Variants in SRGAP2B observed in about 807,000 individuals in gnomAD.
SRGAP2B encodes the protein SLIT-ROBO Rho GTPase activating protein 2B.
SRGAP2B carries 9 observed loss-of-function variants against 22.2 expected under a neutral mutation model. That is an observed-to-expected ratio of 0.41 (90% CI 0.24 to 0.71). SRGAP2B has a LOEUF of 0.71. SRGAP2B is among the 30% of genes least tolerant of loss of function. The pLI is 0.35. For synonymous variants in SRGAP2B, 36 were observed against 87.4 expected (o/e 0.41, Z 3.28); for missense variants, 114 against 235.8 (o/e 0.48, Z 3.38).
chr1:145,013,892 G>C (rs1448083986), intron 2 of SRGAP2B, among the ~76,000 whole-genome samples: 1 of 149,832 alleles, frequency 6.7e-6, no homozygotes, highest in Non-Finnish European at 1.5e-5. Context: ...TCTAGGCCAT[G>C]GTGGTTTTGC....
At chr1:144,970,121 A>G (rs1425646135) in intron 3 of SRGAP2B, among the ~76,000 whole-genome samples, 2 of 147,244 alleles carry the variant, frequency 1.4e-5, no homozygotes, top group African/African-American at 5.2e-5. Context: ...TAGAAATACC[A>G]TTTGACCCAG....
In SRGAP2B at chr1:145,088,890, C is replaced by A. The variant is rs1453320390; in HGVS notation, c.67+3945G>T. On this transcript the variant is annotated intron_variant, in intron 2 of 9. Transcript: ENST00000612199. ...GCAGGTTCCATATCTGCAGATTCAA[C>A]CAAATGGGAATGGAAAATATTCAAG... 7.6e-5 allele frequency among the ~76,000 whole-genome samples: 11 copies of A among 145,134 alleles called. 1 individual carries two copies. The highest frequency in any genetic ancestry group is 1.5e-4 in the Non-Finnish European group (10 of 65,942).
chr1:145,062,659 C>CTGTCAAGAGAAGCAGCACAGAGTCTCA (rs1651048134), intron 2 of SRGAP2B, among the ~76,000 whole-genome samples: 1 of 150,298 alleles, frequency 6.7e-6, no homozygotes, highest in Non-Finnish European at 1.5e-5. Flanking sequence ...GAGATGCAGT[C>CTGTCAAGAGAAGCAGCACAGAGTCTCA]TGTCAAGAGA....
chr1:144,984,365 C>CAAAAAAAAA (rs57268593), intron 3 of SRGAP2B, among the ~76,000 whole-genome samples: 1 of 126,418 alleles, frequency 7.9e-6, no homozygotes, highest in Non-Finnish European at 1.6e-5. Flanking sequence ...ACAACAACAA[C>CAAAAAAAAA]AAAAAAAAAA....
chr1:145,088,922 A>G (rs1305843747), intron 2 of SRGAP2B, among the ~76,000 whole-genome samples: 4 of 151,226 alleles, frequency 2.6e-5, no homozygotes, highest in African/African-American at 7.3e-5. Context: ...CAAGAAAAAA[A>G]AAAAAACAAT....
rs1373737439 is a variant in SRGAP2B, at chr1:144,941,707, C to A, written c.423+13732G>T. On this transcript the variant is annotated intron_variant, in intron 4 of 9. Transcript: ENST00000612199. ...ACTTTAAATAAAAATCATGCTCAGACAAGCAGGGAGGAATTCAAAGGAAAA... is the reference window on the plus strand; with the variant it reads ...ACTTTAAATAAAAATCATGCTCAGAAAAGCAGGGAGGAATTCAAAGGAAAA... Among the ~76,000 whole-genome samples the A allele has an allele frequency of 2.0e-5, 3 of 148,448 alleles. No homozygotes were observed. In the South Asian group the frequency reaches 6.4e-4, roughly 31 times the overall value.
At chr1:145,010,335 C>A (rs1375258501) in intron 2 of SRGAP2B, among the ~76,000 whole-genome samples, 3 of 114,004 alleles carry the variant, frequency 2.6e-5, no homozygotes, top group African/African-American at 3.7e-5. Context: ...AAAAAAGAAA[C>A]AACAAAAAAA....
In SRGAP2B at chr1:144,917,651, A is replaced by T. The variant is rs1173041410; in HGVS notation, c.424-2897T>A. 2.1e-5 allele frequency among the ~76,000 whole-genome samples: 3 copies of T among 145,446 alleles called. 1 individual carries two copies. The highest frequency in any genetic ancestry group is 8.4e-5 in the African/African-American group (3 of 35,522). On this transcript the variant is annotated intron_variant, in intron 4 of 9. Coordinates refer to ENST00000612199, the Ensembl canonical transcript of SRGAP2B. The stretch of plus-strand genomic sequence containing the variant: ...GAGTTGGGAGGACCACTCAACTATT[A>T]TCCCTGTTTATTTGAACAGGCTGCT...
chr1:144,988,999 CTTTTT>C lies in SRGAP2B; in HGVS notation c.260+6004_260+6008del, dbSNP rs3062880. Among the ~76,000 whole-genome samples the C allele has an allele frequency of 1.8e-4, 10 of 55,110 alleles. No homozygotes were observed. In the South Asian group the frequency reaches 9.2e-3, roughly 51 times the overall value. The allele number at this position is 55,110 out of a possible 152,430, so 36.2% of individuals were successfully genotyped here. A position where few individuals can be genotyped will look rare whatever the true frequency, so the allele number is the denominator to read the frequency against. The stretch of plus-strand genomic sequence containing the variant: ...TCCTACTTCCTTTCCACTCCCCCCA[CTTTTT>C]TTTTTTTTTTTTTTTTTTTTGCTCT... On this transcript the variant is annotated intron_variant, in intron 3 of 9. Transcript: ENST00000612199.
At chr1:144,971,470 C>T (rs1458380740) in intron 3 of SRGAP2B, among the ~76,000 whole-genome samples, 2 of 150,270 alleles carry the variant, frequency 1.3e-5, no homozygotes, top group Admixed American at 6.6e-5. Flanking sequence ...TGCTCTGTTG[C>T]CCAGGTTGGA....
chr1:144,900,901 TC>T (rs1243615659), intron 7 of SRGAP2B, among the ~76,000 whole-genome samples: 6 of 46,590 alleles, frequency 1.3e-4, no homozygotes, highest in African/African-American at 4.3e-4. Flanking sequence ...CCAAGTTCCC[TC>T]ATGTCCGACT....
chr1:144,947,475 C>T (rs1247816329), intron 4 of SRGAP2B, among the ~76,000 whole-genome samples: 1 of 149,258 alleles, frequency 6.7e-6, no homozygotes, highest in Non-Finnish European at 1.5e-5. Context: ...ACTGTTGTGG[C>T]AATTCTCTTG....
intron 5 of SRGAP2B, among the ~76,000 whole-genome samples, chr1:144,912,073 C>A (rs1663464297): frequency 6.7e-6 from 1 of 148,882 alleles, no homozygotes; most frequent in Non-Finnish European, 1.5e-5. Flanking sequence ...GCCTCAGCCT[C>A]CCCAGTAGCT....
intron 3 of SRGAP2B, among the ~76,000 whole-genome samples, chr1:144,966,616 G>A (rs1465510504): frequency 6.8e-6 from 1 of 146,458 alleles, no homozygotes; most frequent in Non-Finnish European, 1.5e-5. Context: ...ACATCATAAT[G>A]ACAGGATCAA....
intron 3 of SRGAP2B, among the ~76,000 whole-genome samples, chr1:144,969,479 A>T: frequency 9.3e-6 from 1 of 107,438 alleles, no homozygotes; most frequent in African/African-American, 4.0e-5. Flanking sequence ...CTTACACCTT[A>T]TACAAAAATC....
chr1:144,994,611 A>T (rs1670529093), intron 3 of SRGAP2B, among the ~76,000 whole-genome samples: 1 of 122,400 alleles, frequency 8.2e-6, no homozygotes, highest in Admixed American at 8.2e-5. Context: ...AGAGAGAGAG[A>T]CAGAGATTAA....
At chr1:145,093,765 G>C (rs879984508) in intron 1 of SRGAP2B, among the ~76,000 whole-genome samples, 2,125 of 148,266 alleles carry the variant, frequency 0.014, 65 homozygotes, top group Non-Finnish European at 0.016. Flanking sequence ...CGGCCAGCCC[G>C]AGGGAGCCCT....
At chr1:145,045,316 A>T (rs1649679356) in intron 2 of SRGAP2B, among the ~76,000 whole-genome samples, 3 of 144,152 alleles carry the variant, frequency 2.1e-5, no homozygotes, top group Admixed American at 7.0e-5. Flanking sequence ...AAAAAAAAGA[A>T]AGAAAGAAAA....
chr1:145,025,028 A>G (rs1647570159), intron 2 of SRGAP2B, among the ~76,000 whole-genome samples: 1 of 143,100 alleles, frequency 7.0e-6, no homozygotes, highest in Admixed American at 7.0e-5. Context: ...CCACAGACGG[A>G]TTTTTACGAA....
Sources: allele counts gnomAD v4.1 joint callset (sites outside exome capture counted in the v4.1 genomes callset), GRCh38; gene constraint gnomAD v4.1.1; transcripts MANE v1.5; gene names NCBI Gene and HGNC (gene_info 2026-07-23, HGNC 2026-07-21).